Variants in TOR1B observed in about 807,000 individuals in gnomAD.
TOR1B encodes the protein torsin family 1 member B, also known as torsin-1B.
Under a neutral mutation model 29.2 loss-of-function variants are expected in TOR1B, and 14 were observed. The observed-to-expected ratio is 0.48, with a 90% CI of 0.32 to 0.75. The LOEUF (loss-of-function observed/expected upper bound fraction) is 0.75, where lower values mean the gene tolerates loss of function less well. Among genes scored for constraint, TOR1B ranks in the 30% least tolerant of loss-of-function variants. TOR1B has a pLI of 0.04. For missense variants in TOR1B, 400 were observed against 433.9 expected (o/e 0.92, Z 0.69); for synonymous variants, 166 against 179.8 (o/e 0.92, Z 0.62).
At chr9:129,808,704 C>T (rs770316365) in intron 3 of TOR1B, among the ~76,000 whole-genome samples, 10 of 151,804 alleles carry the variant, frequency 6.6e-5, no homozygotes, top group Non-Finnish European at 1.3e-4. Context: ...CATGCACCAC[C>T]ATTAGCCTGG....
chr9:129,805,055 C>G (rs1588207667), intron 2 of TOR1B, among the ~76,000 whole-genome samples: 2 of 150,452 alleles, frequency 1.3e-5, no homozygotes, highest in East Asian at 4.0e-4. Context: ...GGAGAATGGC[C>G]TGAACCCGGG....
At chr9:129,804,534 G>A (rs1206037078) in intron 2 of TOR1B, 196 bp downstream of exon 2, 13 of 664,068 alleles carry the variant, frequency 2.0e-5, no homozygotes, top group African/African-American at 5.4e-5. Flanking sequence ...AAACAGTCCA[G>A]TGGGGTAGGG....
chr9:129,810,546 T>G lies in TOR1B; in HGVS notation c.*963T>G. ...CTAGAGTCCCCCCAACCATATATCATAGAGTTGAATCACAATGAGACCGTT... is the reference window on the plus strand; with the variant it reads ...CTAGAGTCCCCCCAACCATATATCAGAGAGTTGAATCACAATGAGACCGTT... On this transcript the variant is annotated 3_prime_UTR_variant, in exon 5 of 5. Transcript: ENST00000259339. The G allele has an allele frequency of 4.8e-6, 3 of 619,278 alleles. No homozygotes were observed. The highest frequency in any genetic ancestry group is 4.3e-6 in the Non-Finnish European group (2 of 466,638). 38.4% of individuals were successfully genotyped at this position (619,278 alleles called of 1,614,324 possible). A position where few individuals can be genotyped will look rare whatever the true frequency, so the allele number is the denominator to read the frequency against.
intron 3 of TOR1B, 128 bp downstream of exon 3, chr9:129,807,491 T>C: frequency 9.4e-7 from 1 of 1,067,288 alleles, no homozygotes; most frequent in Non-Finnish European, 1.4e-6. Context: ...GGCACTTACC[T>C]ACTGCTTTAC....
At position 129,805,522 on chromosome 9, in the gene TOR1B, A is replaced by G. The variant is rs535312895; in HGVS notation, c.465+1184A>G. Among the ~76,000 whole-genome samples, 106 of 152,294 alleles carry G rather than the reference A, an allele frequency of 7.0e-4. 1 individual carries two copies. The South Asian group carries it at 0.022, about 31-fold the overall frequency. On this transcript the variant is annotated intron_variant, in intron 2 of 4. Transcript: ENST00000259339. ...AGAACAGGACCTTTGTAGCAGAACC[A>G]AAACCTCCCAACTCCCAGTTGACAT...
chr9:129,803,291 C>A lies in TOR1B; in HGVS notation c.79C>A (p.Pro27Thr). 6.3e-7 allele frequency: 1 copy of A among 1,579,894 alleles called. No individual in the cohort carries two copies. The highest frequency in any genetic ancestry group is 8.6e-7 in the Non-Finnish European group (1 of 1,167,466). The part of the protein sequence containing the change: ...LAARVVAAFE[P>T]ITVGLAIGAA... ...GGCCCGAGTGGTGGCGGCGTTCGAG[C>A]CCATCACCGTGGGCCTAGCCATCGG... The change falls in exon 1 of 5, where the codon CCC becomes ACC. Residue 27 changes from proline (P) to threonine (T), a missense_variant. Transcript: ENST00000259339.
intron 3 of TOR1B, among the ~76,000 whole-genome samples, chr9:129,808,147 G>A (rs1468260438): frequency 2.0e-5 from 3 of 152,150 alleles, no homozygotes; most frequent in Non-Finnish European, 2.9e-5. Flanking sequence ...AACACTTTAA[G>A]TTCCATGAGA....
intron 2 of TOR1B, among the ~76,000 whole-genome samples, chr9:129,804,928 G>A (rs1223637610): frequency 6.6e-6 from 1 of 151,128 alleles, no homozygotes; most frequent in East Asian, 1.9e-4. Flanking sequence ...CACGAGGTCA[G>A]GAGATGGAGA....
chr9:129,810,328 A>T lies in TOR1B; in HGVS notation c.*745A>T. On this transcript the variant is annotated 3_prime_UTR_variant, in exon 5 of 5. Coordinates refer to ENST00000259339, the MANE Select transcript of TOR1B (RefSeq NM_014506.3). ...GTGCCCGCCGAGCACTCTTGATCTG[A>T]GCTGACCTGTGTGTGTGTGTGTGGG... The T allele has an allele frequency of 8.3e-7, 1 of 1,205,618 alleles. No individual in the cohort carries two copies. Among genetic ancestry groups the T allele is most frequent in the Non-Finnish European group, 1.1e-6 (1 of 925,470 alleles). 74.7% of individuals were successfully genotyped at this position (1,205,618 alleles called of 1,614,324 possible).
At chr9:129,807,123 C>T (rs1414242314) in intron 2 of TOR1B, 65 bp from the exon 3 acceptor site, 2 of 1,534,162 alleles carry the variant, frequency 1.3e-6, no homozygotes, top group Non-Finnish European at 1.8e-6. Flanking sequence ...GCAGATGGAG[C>T]CTGCGCGCCT....
intron 4 of TOR1B, 102 bp from the exon 5 acceptor site, chr9:129,809,238 ACT>A (rs1224259532): frequency 4.9e-5 from 77 of 1,564,460 alleles, no homozygotes; most frequent in Non-Finnish European, 1.6e-5. Context: ...CTGACAAGAG[ACT>A]CTCTCAAGGG....
At position 129,810,568 on chromosome 9, in the gene TOR1B, C is replaced by A; in HGVS notation, c.*985C>A. On this transcript the variant is annotated 3_prime_UTR_variant, in exon 5 of 5. Coordinates refer to ENST00000259339, the MANE Select transcript of TOR1B (RefSeq NM_014506.3). ...TCATAGAGTTGAATCACAATGAGACCGTTGGCTTTGAATTTGAGTCGTTGG... is the reference window on the plus strand; with the variant it reads ...TCATAGAGTTGAATCACAATGAGACAGTTGGCTTTGAATTTGAGTCGTTGG... The A allele has an allele frequency of 2.1e-6, 1 of 468,492 alleles. No individual in the cohort carries two copies. Among genetic ancestry groups the A allele is most frequent in the Non-Finnish European group, 2.9e-6 (1 of 339,704 alleles). The allele number at this position is 468,492 out of a possible 1,614,324, so 29.0% of individuals were successfully genotyped here.
chr9:129,805,537 C>G (rs1041183792), intron 2 of TOR1B, among the ~76,000 whole-genome samples: 2 of 152,214 alleles, frequency 1.3e-5, no homozygotes, highest in Non-Finnish European at 2.9e-5. Flanking sequence ...CTCCCAACTC[C>G]CAGTTGACAT....
rs1486157347 is a variant in TOR1B, at chr9:129,807,342, A to G, written c.620A>G (p.Lys207Arg). 1 of 1,613,996 alleles carries G rather than the reference A, an allele frequency of 6.2e-7. No individual in the cohort carries two copies. The highest frequency in any genetic ancestry group is 8.5e-7 in the Non-Finnish European group (1 of 1,180,008). ...CAGGTTGACGGAGTGTCTTACCGCA[A>G]AGCCATCTTCATCTTTCTCAGGTCA... ...YEQVDGVSYRKAIFIFLSNAG... is the reference protein window; with the variant it reads ...YEQVDGVSYRRAIFIFLSNAG... Residue 207 changes from lysine (K) to arginine (R), a missense_variant, in exon 3 of 5, where the codon AAA (lysine) becomes AGA (arginine). Coordinates refer to ENST00000259339, the MANE Select transcript of TOR1B (RefSeq NM_014506.3).
chr9:129,803,531 G>T, intron 1 of TOR1B, 120 bp downstream of exon 1: 1 of 1,138,210 alleles, frequency 8.8e-7, no homozygotes, highest in African/African-American at 1.6e-5. Flanking sequence ...AGACGGCGGT[G>T]GTCCCAGCTG....
At position 129,804,708 on chromosome 9, in the gene TOR1B, C is replaced by A. The variant is rs533608360; in HGVS notation, c.465+370C>A. ...AAACCCCATCTCTACCTAAAAGTACCAAAATTACCTGAGCACGGTGGCACG... is the reference window on the plus strand; with the variant it reads ...AAACCCCATCTCTACCTAAAAGTACAAAAATTACCTGAGCACGGTGGCACG... On this transcript the variant is annotated intron_variant, in intron 2 of 4. Coordinates refer to ENST00000259339, the MANE Select transcript of TOR1B (RefSeq NM_014506.3). 2.9e-3 allele frequency among the ~76,000 whole-genome samples: 431 copies of A among 151,206 alleles called. 1 individual carries two copies. Among genetic ancestry groups the A allele is most frequent in the African/African-American group, 0.01 (413 of 41,114 alleles).
chr9:129,808,920 C>A lies in TOR1B; in HGVS notation c.657C>A (p.Asp219Glu). 1.2e-6 allele frequency: 2 copies of A among 1,613,338 alleles called. No individual in the cohort carries two copies. The highest frequency in any genetic ancestry group is 1.7e-6 in the Non-Finnish European group (2 of 1,179,806). Residue 219 changes from aspartate to glutamate, a missense_variant, in exon 4 of 5, where the codon GAC becomes GAA. Physicochemically the swap from Asp to Glu is conservative, Grantham distance 45. Coordinates refer to ENST00000259339, the MANE Select transcript of TOR1B (RefSeq NM_014506.3). Reference sequence around the variant, plus strand: ...GCAAACTCAGCAATGCAGGCGGGGACCTTATAACTAAGACGGCTCTTGACT... The same window carrying A: ...GCAAACTCAGCAATGCAGGCGGGGAACTTATAACTAAGACGGCTCTTGACT... ...IFIFLSNAGG[D>E]LITKTALDFW...
chr9:129,805,546 A>G (rs945369603), intron 2 of TOR1B, among the ~76,000 whole-genome samples: 3 of 152,196 alleles, frequency 2.0e-5, no homozygotes, highest in African/African-American at 7.2e-5. Flanking sequence ...CCCAGTTGAC[A>G]TGGTAGCCAC....
chr9:129,805,851 T>A (rs933282767), intron 2 of TOR1B, among the ~76,000 whole-genome samples: 6 of 152,250 alleles, frequency 3.9e-5, no homozygotes, highest in African/African-American at 1.2e-4. Flanking sequence ...TGTTTCCACA[T>A]TCATTTTATA....
Sources: allele counts gnomAD v4.1 joint callset (sites outside exome capture counted in the v4.1 genomes callset), GRCh38; gene constraint gnomAD v4.1.1; transcripts MANE v1.5; gene names NCBI Gene and HGNC (gene_info 2026-07-23, HGNC 2026-07-21).